ZFHX3: variants seen among roughly 807,000 people sequenced by gnomAD.
The protein encoded by ZFHX3 is zinc finger homeobox 3.
In ZFHX3, 42 loss-of-function variants were observed where a neutral mutation model predicts 279.1. That is an observed-to-expected ratio of 0.15 (90% CI 0.12 to 0.19). ZFHX3 has a LOEUF of 0.19. ZFHX3 is among the 10% of genes least tolerant of loss of function. The probability of loss-of-function intolerance (pLI) is 1.00; values close to 1 mark genes in which losing one functional copy is unlikely to be tolerated. For missense variants in ZFHX3, 4,981 were observed against 4,754.0 expected (o/e 1.05, Z -1.40); for synonymous variants, 2,293 against 1,957.8 (o/e 1.17, Z -4.52).
At chr16:72,834,493 A>G (rs2143748088) in intron 4 of ZFHX3, among the ~76,000 whole-genome samples, 1 of 152,350 alleles carries the variant, frequency 6.6e-6, no homozygotes, top group Non-Finnish European at 1.5e-5. Flanking sequence ...CCCTTCAATC[A>G]AAGTGGTTTT....
At chr16:72,893,525 T>C (rs2038822335) in intron 3 of ZFHX3, among the ~76,000 whole-genome samples, 1 of 151,646 alleles carries the variant, frequency 6.6e-6, no homozygotes, top group South Asian at 2.1e-4. Flanking sequence ...ATAAACATCA[T>C]ACCGGGTACT....
At chr16:73,757,817 C>A (rs117577385) in intron 1 of ZFHX3, among the ~76,000 whole-genome samples, 1 of 152,132 alleles carries the variant, frequency 6.6e-6, no homozygotes, top group Non-Finnish European at 1.5e-5. Flanking sequence ...AACCTTTATC[C>A]GCTCTCCTGT....
At chr16:73,395,058 T>C (rs1298106524) in intron 3 of ZFHX3, among the ~76,000 whole-genome samples, 1 of 152,174 alleles carries the variant, frequency 6.6e-6, no homozygotes, top group Non-Finnish European at 1.5e-5. Context: ...GGAGACATTT[T>C]CAGTGGCCAT....
intron 2 of ZFHX3, among the ~76,000 whole-genome samples, chr16:73,480,687 G>A (rs2018850508): frequency 6.6e-6 from 1 of 152,142 alleles, no homozygotes; most frequent in Non-Finnish European, 1.5e-5. Context: ...GGAGTGAAGA[G>A]GTGTCTTTCT....
intron 1 of ZFHX3, among the ~76,000 whole-genome samples, chr16:73,749,720 C>G (rs79145437): frequency 0.014 from 2,112 of 152,226 alleles, 53 homozygotes; most frequent in African/African-American, 0.048. Context: ...GAATGCATCA[C>G]AAACTGCAAT....
intron 1 of ZFHX3, among the ~76,000 whole-genome samples, chr16:73,734,605 G>T (rs780948922): frequency 2.5e-4 from 38 of 152,202 alleles, no homozygotes; most frequent in Admixed American, 1.6e-3. Context: ...TACTTGATAT[G>T]CTAGAATTTG....
intron 3 of ZFHX3, among the ~76,000 whole-genome samples, chr16:72,925,099 T>C (rs1023457762): frequency 6.6e-6 from 1 of 152,228 alleles, no homozygotes; most frequent in East Asian, 1.9e-4. Context: ...GATACCTGGA[T>C]ACATTGTACA....
intron 4 of ZFHX3, among the ~76,000 whole-genome samples, chr16:72,847,900 C>T (rs1173290198): frequency 6.6e-6 from 1 of 151,994 alleles, no homozygotes; most frequent in Non-Finnish European, 1.5e-5. Context: ...GGGGAGGAGG[C>T]TGGGTGCAGC....
intron 1 of ZFHX3, among the ~76,000 whole-genome samples, chr16:73,846,963 G>C (rs1289942594): frequency 6.6e-6 from 1 of 151,634 alleles, no homozygotes; most frequent in African/African-American, 2.4e-5. Flanking sequence ...ATATATTGTA[G>C]GTCACAGTGA....
At chr16:73,685,189 T>C (rs1476713584) in intron 1 of ZFHX3, among the ~76,000 whole-genome samples, 1 of 151,176 alleles carries the variant, frequency 6.6e-6, no homozygotes, top group Non-Finnish European at 1.5e-5. Flanking sequence ...GCTAATTTTC[T>C]TGTATTTTGC....
At position 73,871,357 on chromosome 16, in the gene ZFHX3, A is replaced by G. The variant is rs543051565; in HGVS notation, c.-1608+20294T>C. Among the ~76,000 whole-genome samples the G allele has an allele frequency of 3.3e-5, 5 of 152,300 alleles. No homozygotes were observed. In the South Asian group the frequency reaches 1.0e-3, roughly 32 times the overall value. On this transcript the variant is annotated intron_variant, in intron 1 of 17. Transcript: ENST00000641206. ...ACCGCCTGTCCGCAAGAAAACTTTA[A>G]TAACGCAGCCTTGCTCTAATGTCTT...
chr16:73,591,161 AC>A (rs1156947861), intron 2 of ZFHX3, among the ~76,000 whole-genome samples: 3 of 149,202 alleles, frequency 2.0e-5, no homozygotes, highest in Middle Eastern at 3.7e-3. Flanking sequence ...GATCAGCCTG[AC>A]CAACATGGTG....
intron 7 of ZFHX3, among the ~76,000 whole-genome samples, chr16:73,105,942 G>A (rs922222075): frequency 1.1e-4 from 4 of 37,090 alleles, no homozygotes; most frequent in South Asian, 6.4e-4. Context: ...CCCTCCCCCC[G>A]CCCCATCTCC....
At chr16:73,731,561 T>C (rs928961919) in intron 1 of ZFHX3, among the ~76,000 whole-genome samples, 2 of 151,908 alleles carry the variant, frequency 1.3e-5, no homozygotes, top group African/African-American at 4.8e-5. Context: ...ACAATCAAAG[T>C]CATCTTTTTA....
At chr16:72,917,544 G>T (rs2039472338) in intron 3 of ZFHX3, among the ~76,000 whole-genome samples, 1 of 152,198 alleles carries the variant, frequency 6.6e-6, no homozygotes, top group African/African-American at 2.4e-5. Flanking sequence ...ATACCACGGG[G>T]TGTTTGGTGC....
At chr16:73,280,458 C>A (rs1383330992) in intron 4 of ZFHX3, among the ~76,000 whole-genome samples, 6 of 152,226 alleles carry the variant, frequency 3.9e-5, no homozygotes, top group Admixed American at 1.3e-4. Flanking sequence ...ACTAAGTTGA[C>A]ATTTCTCCAA....
At chr16:73,127,628 G>GTTCC (rs1241949405) in intron 7 of ZFHX3, 1 of 1,272,758 alleles carries the variant, frequency 7.9e-7, no homozygotes, top group Admixed American at 2.6e-5. Flanking sequence ...GGAACAGGGT[G>GTTCC]CAGACTGGAT....
intron 2 of ZFHX3, among the ~76,000 whole-genome samples, chr16:73,564,417 A>G (rs1303268907): frequency 1.3e-5 from 2 of 152,128 alleles, no homozygotes; most frequent in African/African-American, 4.8e-5. Flanking sequence ...CCTCGGTTCT[A>G]TCCCTTCAAG....
At chr16:72,879,730 GT>G (rs1362277613) in intron 4 of ZFHX3, among the ~76,000 whole-genome samples, 1 of 152,180 alleles carries the variant, frequency 6.6e-6, no homozygotes, top group Non-Finnish European at 1.5e-5. Flanking sequence ...CAGCTAAGGA[GT>G]TTTTATTTCT....
Sources: allele counts gnomAD v4.1 joint callset (sites outside exome capture counted in the v4.1 genomes callset), GRCh38; gene constraint gnomAD v4.1.1; transcripts MANE v1.5; gene names NCBI Gene and HGNC (gene_info 2026-07-23, HGNC 2026-07-21).